The following SNTB1 variants were observed in gnomAD, a reference collection of about 807,000 sequenced individuals.
The protein encoded by SNTB1 is beta-1-syntrophin.
A neutral mutation model predicts 48.9 loss-of-function variants in SNTB1; 36 were observed. The ratio of observed to expected loss-of-function variants is 0.74; its 90% CI spans 0.56 to 0.97. The LOEUF is 0.97. Ranked by LOEUF, SNTB1 falls within the 50% of genes least tolerant of loss-of-function variation. The probability of loss-of-function intolerance (pLI) is 0.00; values close to 1 mark genes in which losing one functional copy is unlikely to be tolerated. For synonymous variants in SNTB1, 299 were observed against 294.6 expected (o/e 1.01, Z -0.15); for missense variants, 786 against 703.4 (o/e 1.12, Z -1.33).
chr8:120,677,516 T>TAC (rs1817857070), intron 2 of SNTB1, among the ~76,000 whole-genome samples: 1 of 152,198 alleles, frequency 6.6e-6, no homozygotes, highest in Non-Finnish European at 1.5e-5. Flanking sequence ...CAACTGAAAA[T>TAC]ACGACTTTCC....
At chr8:120,702,627 A>G (rs1293495048) in intron 1 of SNTB1, among the ~76,000 whole-genome samples, 1 of 151,718 alleles carries the variant, frequency 6.6e-6, no homozygotes, top group Admixed American at 6.5e-5. Flanking sequence ...GACCATAAAC[A>G]TCGTGATGAT....
chr8:120,639,465 C>A (rs758899399), intron 2 of SNTB1, among the ~76,000 whole-genome samples: 2 of 152,060 alleles, frequency 1.3e-5, no homozygotes, highest in Non-Finnish European at 2.9e-5. Context: ...TGCCTGTGTC[C>A]TGAATGCTAT....
At chr8:120,738,127 T>A (rs1401050374) in intron 1 of SNTB1, among the ~76,000 whole-genome samples, 1 of 151,740 alleles carries the variant, frequency 6.6e-6, no homozygotes, top group Non-Finnish European at 1.5e-5. Flanking sequence ...TGAGAGAGAG[T>A]GCTTCCCCCT....
At chr8:120,680,030 A>C (rs542888857) in intron 2 of SNTB1, among the ~76,000 whole-genome samples, 9 of 152,286 alleles carry the variant, frequency 5.9e-5, no homozygotes, top group African/African-American at 2.2e-4. Flanking sequence ...TCCTTTGCTG[A>C]GAATACCCTC....
intron 2 of SNTB1, among the ~76,000 whole-genome samples, chr8:120,667,958 G>A (rs1035309059): frequency 1.3e-5 from 2 of 152,102 alleles, no homozygotes; most frequent in African/African-American, 2.4e-5. Context: ...GGCCTTGTGT[G>A]AGTGCTCAGC....
chr8:120,704,002 A>T (rs546211931), intron 1 of SNTB1, among the ~76,000 whole-genome samples: 16 of 152,294 alleles, frequency 1.1e-4, no homozygotes, highest in African/African-American at 3.6e-4. Context: ...CAGTGCTGAG[A>T]TTTGAATCGA....
chr8:120,773,479 A>G (rs1025840917), intron 1 of SNTB1, among the ~76,000 whole-genome samples: 13 of 152,240 alleles, frequency 8.5e-5, no homozygotes, highest in African/African-American at 3.1e-4. Flanking sequence ...CTTCAGATGA[A>G]ACGTACCAGG....
intron 2 of SNTB1, among the ~76,000 whole-genome samples, chr8:120,633,107 C>T (rs1012516773): frequency 6.6e-6 from 1 of 152,146 alleles, no homozygotes. Flanking sequence ...CAGTGTTAAT[C>T]AATTAAGCCA....
At chr8:120,730,654 C>T (rs901315758) in intron 1 of SNTB1, among the ~76,000 whole-genome samples, 5 of 152,200 alleles carry the variant, frequency 3.3e-5, no homozygotes, top group African/African-American at 1.2e-4. Context: ...GAATCGGAAT[C>T]TCAGGTCCAT....
chr8:120,769,487 T>A (rs927927049), intron 1 of SNTB1: 1 of 152,322 alleles, frequency 6.6e-6, no homozygotes, highest in South Asian at 2.1e-4. Flanking sequence ...AGGCCCAGAC[T>A]TTCAGAGACT....
chr8:120,620,017 A>T (rs1045431814), intron 3 of SNTB1, among the ~76,000 whole-genome samples: 1 of 152,196 alleles, frequency 6.6e-6, no homozygotes, highest in Non-Finnish European at 1.5e-5. Context: ...CATTTGGTAA[A>T]TCAATATTTC....
chr8:120,649,426 G>C (rs1172780197), intron 2 of SNTB1, among the ~76,000 whole-genome samples: 1 of 138,832 alleles, frequency 7.2e-6, no homozygotes, highest in Admixed American at 7.3e-5. Flanking sequence ...GTACCCTGCC[G>C]TGTGAGGTGT....
At chr8:120,579,695 C>A (rs1401903668) in intron 3 of SNTB1, among the ~76,000 whole-genome samples, 1 of 96,208 alleles carries the variant, frequency 1.0e-5, no homozygotes, top group Non-Finnish European at 2.3e-5. Context: ...GAAAAGAAAA[C>A]AAACAAACAA....
intron 3 of SNTB1, among the ~76,000 whole-genome samples, chr8:120,615,250 G>A (rs62526698): frequency 2.0e-3 from 302 of 152,174 alleles, no homozygotes; most frequent in Admixed American, 3.6e-3. Context: ...CATTAGCGTC[G>A]CCAGAGCCGG....
intron 5 of SNTB1, among the ~76,000 whole-genome samples, chr8:120,547,928 T>G (rs1039699002): frequency 6.6e-6 from 1 of 152,164 alleles, no homozygotes; most frequent in Non-Finnish European, 1.5e-5. Context: ...GGGTCTCTAG[T>G]TGATATAGTT....
chr8:120,690,832 C>G (rs989681133), intron 2 of SNTB1, among the ~76,000 whole-genome samples: 1 of 152,150 alleles, frequency 6.6e-6, no homozygotes, highest in Non-Finnish European at 1.5e-5. Flanking sequence ...TTCTTCTCTT[C>G]TTCTACCATG....
intron 2 of SNTB1, among the ~76,000 whole-genome samples, chr8:120,649,237 G>A (rs1411309590): frequency 5.3e-5 from 8 of 151,784 alleles, no homozygotes; most frequent in Admixed American, 3.9e-4. Flanking sequence ...GAGGAGGAGA[G>A]GCGCTCTGCT....
chr8:120,737,706 C>T (rs1250105556), intron 1 of SNTB1, among the ~76,000 whole-genome samples: 2 of 152,318 alleles, frequency 1.3e-5, no homozygotes, highest in East Asian at 1.9e-4. Flanking sequence ...CTTCAGCATG[C>T]TCTCCACCTA....
At chr8:120,695,149 T>C (rs1818191483) in intron 1 of SNTB1, among the ~76,000 whole-genome samples, 2 of 152,318 alleles carry the variant, frequency 1.3e-5, no homozygotes, top group South Asian at 4.1e-4. Flanking sequence ...CTCAGGAGAT[T>C]GGGCTAAGTC....
Sources: allele counts gnomAD v4.1 joint callset (sites outside exome capture counted in the v4.1 genomes callset), GRCh38; gene constraint gnomAD v4.1.1; transcripts MANE v1.5; gene names NCBI Gene and HGNC (gene_info 2026-07-23, HGNC 2026-07-21).